Variants in CRTAC1 observed in about 807,000 individuals in gnomAD.
CRTAC1 encodes acidic secreted protein in cartilage.
Under a neutral mutation model 67.8 loss-of-function variants are expected in CRTAC1, and 37 were observed. That is an observed-to-expected ratio of 0.55 (90% CI 0.42 to 0.72). The LOEUF is 0.72. Ranked by LOEUF, CRTAC1 falls within the 30% of genes least tolerant of loss-of-function variation. The probability of loss-of-function intolerance (pLI) is 0.00; values close to 1 mark genes in which losing one functional copy is unlikely to be tolerated. For synonymous variants in CRTAC1, 348 were observed against 371.0 expected (o/e 0.94, Z 0.71); for missense variants, 780 against 931.6 (o/e 0.84, Z 2.12).
Position 97,895,765 on chromosome 10 carries a change from C to A in CRTAC1, c.1317+120G>T. 3 of 783,018 alleles carry A rather than the reference C, an allele frequency of 3.8e-6. No individual in the cohort carries two copies. Among genetic ancestry groups the A allele is most frequent in the Non-Finnish European group, 4.1e-6 (2 of 492,858 alleles). The allele number at this position is 783,018 out of a possible 1,614,324, so 48.5% of individuals were successfully genotyped here. A position where few individuals can be genotyped will look rare whatever the true frequency, so the allele number is the denominator to read the frequency against. Reference sequence around the variant, plus strand: ...GAATTTACTTCCCTCCTCCAGGGCCCGGGACTTCCATTACCCACCATGCTG... The same window carrying A: ...GAATTTACTTCCCTCCTCCAGGGCCAGGGACTTCCATTACCCACCATGCTG... On this transcript the variant is annotated intron_variant, in intron 10 of 14. Transcript: ENST00000370597. This position sits in a 1 kb window ranked among gnomAD's most constrained non-coding sequence, Gnocchi z 4.2.
At chr10:97,912,947 CAG>C (rs1262818357) in intron 5 of CRTAC1, among the ~76,000 whole-genome samples, 12 of 152,222 alleles carry the variant, frequency 7.9e-5, no homozygotes, top group Non-Finnish European at 1.6e-4. Flanking sequence ...TCTGCATCAG[CAG>C]AGACTCTGAG....
intron 14 of CRTAC1, chr10:97,879,646 G>C (rs1290209901): frequency 3.3e-6 from 5 of 1,535,442 alleles, no homozygotes; most frequent in Non-Finnish European, 3.5e-6. Flanking sequence ...CACAAAGGCT[G>C]TTAGTTTTGT....
At chr10:98,013,106 A>T (rs1253520056) in intron 1 of CRTAC1, among the ~76,000 whole-genome samples, 1 of 152,216 alleles carries the variant, frequency 6.6e-6, no homozygotes, top group Non-Finnish European at 1.5e-5. Flanking sequence ...ATGGATCTGA[A>T]GGTCATTGGA....
chr10:97,945,306 A>C (rs1230432562), intron 2 of CRTAC1, among the ~76,000 whole-genome samples: 3 of 152,170 alleles, frequency 2.0e-5, no homozygotes, highest in Admixed American at 1.3e-4. Flanking sequence ...CAGGGATCCC[A>C]GAAACTCCTG....
chr10:97,895,768 G>T lies in CRTAC1; in HGVS notation c.1317+117C>A, dbSNP rs1686508488. The stretch of plus-strand genomic sequence containing the variant: ...TTTACTTCCCTCCTCCAGGGCCCGG[G>T]ACTTCCATTACCCACCATGCTGGCC... On this transcript the variant is annotated intron_variant, in intron 10 of 14. Coordinates refer to ENST00000370597, the MANE Select transcript of CRTAC1 (RefSeq NM_018058.7). This position sits in a 1 kb window ranked among gnomAD's most constrained non-coding sequence, Gnocchi z 4.2. 1 of 798,534 alleles carries T rather than the reference G, an allele frequency of 1.3e-6. No homozygotes were observed. The highest frequency in any genetic ancestry group is 1.8e-5 in the South Asian group (1 of 55,914). The allele number at this position is 798,534 out of a possible 1,614,324, so 49.5% of individuals were successfully genotyped here. A position where few individuals can be genotyped will look rare whatever the true frequency, so the allele number is the denominator to read the frequency against.
At chr10:98,006,231 A>G (rs938580333) in intron 2 of CRTAC1, among the ~76,000 whole-genome samples, 1 of 152,218 alleles carries the variant, frequency 6.6e-6, no homozygotes, top group African/African-American at 2.4e-5. Context: ...GTTTAGTTCC[A>G]CTGAGAAAAG....
intron 2 of CRTAC1, among the ~76,000 whole-genome samples, chr10:97,950,709 G>C (rs1422469323): frequency 1.3e-5 from 2 of 152,202 alleles, no homozygotes; most frequent in Non-Finnish European, 1.5e-5. Flanking sequence ...TGGGAAAACA[G>C]AAAGGCCATT....
intron 2 of CRTAC1, among the ~76,000 whole-genome samples, chr10:97,964,943 C>A (rs1271520219): frequency 1.3e-5 from 2 of 152,206 alleles, no homozygotes; most frequent in Non-Finnish European, 2.9e-5. Flanking sequence ...GACACCAGCC[C>A]AGCTGGTAGG....
chr10:98,013,641 G>A (rs551996217), intron 1 of CRTAC1, among the ~76,000 whole-genome samples: 151 of 152,186 alleles, frequency 9.9e-4, no homozygotes, highest in Non-Finnish European at 1.7e-3. Flanking sequence ...GTTCTCTAAA[G>A]GTCCTTTCTG....
intron 3 of CRTAC1, among the ~76,000 whole-genome samples, chr10:97,924,771 T>A (rs2050889671): frequency 6.6e-6 from 1 of 152,222 alleles, no homozygotes; most frequent in African/African-American, 2.4e-5. Context: ...ATGAACTACT[T>A]TCCAAGGTTC....
chr10:98,001,685 A>G (rs1360997222), intron 2 of CRTAC1, among the ~76,000 whole-genome samples: 1 of 152,232 alleles, frequency 6.6e-6, no homozygotes, highest in Non-Finnish European at 1.5e-5. Flanking sequence ...TGTAGGCTGC[A>G]AGCAGGTGAA....
At chr10:97,939,713 C>T (rs1428686678) in intron 2 of CRTAC1, among the ~76,000 whole-genome samples, 2 of 152,108 alleles carry the variant, frequency 1.3e-5, no homozygotes, top group African/African-American at 4.8e-5. Context: ...CTCACCATCC[C>T]CTGAGTGTGC....
At chr10:97,988,112 G>A (rs539463286) in intron 2 of CRTAC1, among the ~76,000 whole-genome samples, 9 of 152,106 alleles carry the variant, frequency 5.9e-5, no homozygotes, top group Non-Finnish European at 1.0e-4. Flanking sequence ...CACAGAGAGC[G>A]ATCCTGGCCA....
intron 11 of CRTAC1, among the ~76,000 whole-genome samples, chr10:97,893,554 A>T (rs2050408565): frequency 6.6e-6 from 1 of 152,104 alleles, no homozygotes; most frequent in Non-Finnish European, 1.5e-5. Context: ...CCCCCCATAC[A>T]TTTATTTTAA....
At chr10:97,956,736 C>T (rs1196961605) in intron 2 of CRTAC1, among the ~76,000 whole-genome samples, 2 of 152,114 alleles carry the variant, frequency 1.3e-5, no homozygotes, top group African/African-American at 2.4e-5. Context: ...CAAGGCACAG[C>T]ACTTTGCTGG....
chr10:97,954,054 C>T lies in CRTAC1; in HGVS notation c.225-17688G>A, dbSNP rs961081066. On this transcript the variant is annotated intron_variant, in intron 2 of 14. Transcript: ENST00000370597. ...CTCTACAGCTGGGCTGCCGTGGCAT[C>T]GCCCTGGGAGAAACATCTTTGCAGC... Among the ~76,000 whole-genome samples, 31 of 152,132 alleles carry T rather than the reference C, an allele frequency of 2.0e-4. 1 individual carries two copies. The highest frequency in any genetic ancestry group is 2.8e-4 in the Non-Finnish European group (19 of 68,026).
chr10:98,026,417 C>T (rs1432381774), intron 1 of CRTAC1, among the ~76,000 whole-genome samples: 4 of 152,158 alleles, frequency 2.6e-5, no homozygotes, highest in East Asian at 1.9e-4. Flanking sequence ...TACCCACTCC[C>T]GCATTCAAAC....
At chr10:97,882,890 C>A in intron 12 of CRTAC1, 62 bp from the exon 13 acceptor site, 1 of 1,548,048 alleles carries the variant, frequency 6.5e-7, no homozygotes, top group South Asian at 1.1e-5. Context: ...CAGGTTCCCT[C>A]CTAGTCACAG....
At chr10:97,994,345 G>A (rs1010798265) in intron 2 of CRTAC1, among the ~76,000 whole-genome samples, 2 of 152,246 alleles carry the variant, frequency 1.3e-5, no homozygotes, top group Admixed American at 6.5e-5. Context: ...GGATGGTTAC[G>A]CTCTGGTTTG....
Sources: allele counts gnomAD v4.1 joint callset (sites outside exome capture counted in the v4.1 genomes callset), GRCh38; gene constraint gnomAD v4.1.1; non-coding constraint Gnocchi (gnomAD v3.1); transcripts MANE v1.5; gene names NCBI Gene and HGNC (gene_info 2026-07-23, HGNC 2026-07-21).